Variants in CSNK1E observed in about 807,000 individuals in gnomAD.
CSNK1E encodes the protein casein kinase I isoform epsilon.
In CSNK1E, 17 loss-of-function variants were observed where a neutral mutation model predicts 46.1. That is an observed-to-expected ratio of 0.37 (90% CI 0.25 to 0.55). CSNK1E has a LOEUF of 0.55. CSNK1E is among the 20% of genes least tolerant of loss of function. CSNK1E has a pLI of 0.82. For missense variants in CSNK1E, 386 were observed against 595.4 expected (o/e 0.65, Z 3.66); for synonymous variants, 241 against 242.6 (o/e 0.99, Z 0.06).
chr22:38,313,952 G>T, intron 2 of CSNK1E, 130 bp downstream of exon 2: 1 of 811,926 alleles, frequency 1.2e-6, no homozygotes, highest in Non-Finnish European at 2.0e-6. Flanking sequence ...TCCCCATCTG[G>T]GATGGCCCTG....
At position 38,301,087 on chromosome 22, in the gene CSNK1E, G is replaced by A. The variant is rs564116949; in HGVS notation, c.337-135C>T. The A allele has an allele frequency of 2.5e-5, 18 of 713,412 alleles. No individual in the cohort carries two copies. The East Asian group carries it at 2.6e-4, about 10-fold the overall frequency. 44.2% of individuals were successfully genotyped at this position (713,412 alleles called of 1,614,324 possible). On this transcript the variant is annotated intron_variant, in intron 4 of 10. Coordinates refer to ENST00000396832, the MANE Select transcript of CSNK1E (RefSeq NM_152221.3). ...CTTCGACCATGAAGGATAACTAAGG[G>A]GCAGGCCAGAGAAGGCCTCCTGGAA...
At position 38,294,260 on chromosome 22, in the gene CSNK1E, G is replaced by A. The variant is rs556584749; in HGVS notation, c.1079-12C>T. On this transcript the variant is annotated splice_polypyrimidine_tract_variant and intron_variant, in intron 8 of 10. Transcript: ENST00000396832. This position sits in a 1 kb window ranked among gnomAD's most constrained non-coding sequence, Gnocchi z 5.5. ...GGGAGAAGTATTGCCTGGAGGGAGA[G>A]TGGGAAGCCACCCTCAGAGTAGGCA... The A allele has an allele frequency of 8.7e-6, 14 of 1,610,362 alleles. 1 individual carries two copies. The African/African-American group carries it at 1.6e-4, about 18-fold the overall frequency.
At chr22:38,312,948 T>C (rs944941790) in intron 2 of CSNK1E, among the ~76,000 whole-genome samples, 1 of 152,172 alleles carries the variant, frequency 6.6e-6, no homozygotes, top group Admixed American at 6.6e-5. Context: ...AGAGCGGTCT[T>C]GGGAGGCCAA....
Position 38,305,104 on chromosome 22 carries a change from G to A in CSNK1E, c.77-1856C>T, listed in dbSNP as rs55853529. 1.7e-3 allele frequency among the ~76,000 whole-genome samples: 222 copies of A among 130,872 alleles called. 4 individuals carry two copies. Among genetic ancestry groups the A allele is most frequent in the African/African-American group, 6.3e-3 (217 of 34,264 alleles). The allele number at this position is 130,872 out of a possible 152,430, so 85.9% of individuals were successfully genotyped here. A position where few individuals can be genotyped will look rare whatever the true frequency, so the allele number is the denominator to read the frequency against. On this transcript the variant is annotated intron_variant, in intron 2 of 10. Transcript: ENST00000396832. Reference sequence around the variant, plus strand: ...GCCATTGCACGCTAGCCTGGGTGACGGAGTGAAACTCCAGCTCAAAAAAAA... The same window carrying A: ...GCCATTGCACGCTAGCCTGGGTGACAGAGTGAAACTCCAGCTCAAAAAAAA...
intron 2 of CSNK1E, among the ~76,000 whole-genome samples, chr22:38,307,699 TTTTC>T (rs1670435313): frequency 6.6e-6 from 1 of 152,186 alleles, no homozygotes; most frequent in Non-Finnish European, 1.5e-5. Context: ...GAGGGCTGTA[TTTTC>T]TTTTTCTTTT....
intron 2 of CSNK1E, among the ~76,000 whole-genome samples, chr22:38,305,094 C>T (rs904069175): frequency 4.7e-5 from 6 of 128,074 alleles, no homozygotes; most frequent in African/African-American, 1.8e-4. Flanking sequence ...TGCACGCTAG[C>T]CTGGGTGACG....
rs887376240 is a variant in CSNK1E at position 38,298,116 on chromosome 22, G to A, written c.885+670C>T. On this transcript the variant is annotated intron_variant, in intron 7 of 10. Coordinates refer to ENST00000396832, the MANE Select transcript of CSNK1E (RefSeq NM_152221.3). The surrounding 1 kb of genome is among the most constrained non-coding windows in gnomAD (Gnocchi z 4.2). ...TACCAGTACGTGGGTGAGTACGTGG[G>A]CCCAGCACAGGGACAGGGGCGGGGA... 1.6e-6 allele frequency: 2 copies of A among 1,279,666 alleles called. No homozygotes were observed. The highest frequency in any genetic ancestry group is 1.5e-5 in the African/African-American group (1 of 65,222). 79.3% of individuals were successfully genotyped at this position (1,279,666 alleles called of 1,614,324 possible).
At chr22:38,305,955 C>T (rs556061213) in intron 2 of CSNK1E, among the ~76,000 whole-genome samples, 2 of 152,268 alleles carry the variant, frequency 1.3e-5, no homozygotes, top group African/African-American at 2.4e-5. Flanking sequence ...ACAAGGCTGT[C>T]GGCTGCAGGC....
Position 38,300,854 on chromosome 22 carries a change from G to C in CSNK1E, c.435C>G (p.Val145=), listed in dbSNP as rs768960580. The C allele has an allele frequency of 1.2e-6, 2 of 1,614,138 alleles. No individual in the cohort carries two copies. The highest frequency in any genetic ancestry group is 1.7e-5 in the Admixed American group (1 of 60,014). Reference sequence around the variant, plus strand: ...TGGCCAGGCCGAAGTCGATGATGTAGACCAGGTTGCCCTTCTTCCCCAGCC... The same window carrying C: ...TGGCCAGGCCGAAGTCGATGATGTACACCAGGTTGCCCTTCTTCCCCAGCC... ...LMGLGKKGNL[V]YIIDFGLAKK... Residue 145 remains valine, a synonymous_variant, in exon 5 of 11, where the codon GTC becomes GTG. Coordinates refer to ENST00000396832, the MANE Select transcript of CSNK1E (RefSeq NM_152221.3). The surrounding 1 kb of genome is among the most constrained non-coding windows in gnomAD (Gnocchi z 4.4).
chr22:38,300,965 G>T lies in CSNK1E; in HGVS notation c.337-13C>A. 1 of 1,611,784 alleles carries T rather than the reference G, an allele frequency of 6.2e-7. No homozygotes were observed. Among genetic ancestry groups the T allele is most frequent in the Non-Finnish European group, 8.5e-7 (1 of 1,177,934 alleles). ...CGATGCGGCTGATCTGGGGAGGAGG[G>T]GGGCCATTTGTTCAACAGAGGGGCC... On this transcript the variant is annotated splice_polypyrimidine_tract_variant and intron_variant, in intron 4 of 10. Transcript: ENST00000396832. This position sits in a 1 kb window ranked among gnomAD's most constrained non-coding sequence, Gnocchi z 4.4.
chr22:38,314,201 G>A (rs753159576), intron 1 of CSNK1E, 32 bp from the exon 2 acceptor site: 23 of 1,581,286 alleles, frequency 1.5e-5, no homozygotes, highest in Admixed American at 1.7e-5. Flanking sequence ...GAGGGTCAGC[G>A]ACGTGGGGAG....
At chr22:38,316,984 T>A (rs1344505372) in intron 1 of CSNK1E, 176 bp downstream of exon 1, 4 of 151,804 alleles carry the variant, frequency 2.6e-5, no homozygotes, top group Non-Finnish European at 2.9e-5. Context: ...AGCCGCGCCT[T>A]TGTCCTCGCC....
intron 1 of CSNK1E, among the ~76,000 whole-genome samples, chr22:38,314,954 A>G (rs146368344): frequency 2.6e-5 from 4 of 152,288 alleles, no homozygotes; most frequent in African/African-American, 9.6e-5. Context: ...TGGTCAGCAG[A>G]GGAGGAAACT....
intron 6 of CSNK1E, among the ~76,000 whole-genome samples, chr22:38,299,668 TGG>T (rs957497371): frequency 1.3e-5 from 2 of 152,150 alleles, no homozygotes; most frequent in African/African-American, 4.8e-5. Flanking sequence ...GGATTACAGG[TGG>T]GGCTAATTTT....
rs2092732921 is a variant in CSNK1E at position 38,314,083 on chromosome 22, C to T, written c.75G>A (p.Leu25=). 2.5e-6 allele frequency: 4 copies of T among 1,613,850 alleles called. No homozygotes were observed. Among genetic ancestry groups the T allele is most frequent in the African/African-American group, 1.3e-5 (1 of 75,044 alleles). Residue 25 remains leucine, a splice_region_variant and synonymous_variant, in exon 2 of 11, where the codon CTG becomes CTA. Coordinates refer to ENST00000396832, the MANE Select transcript of CSNK1E (RefSeq NM_152221.3). ...IGSGSFGDIY[L]GANIASGEEV... Reference sequence around the variant, plus strand: ...CCAGCTGGAGCTAGGAACACTTACCCAGGTAGATATCTCCGAAGGACCCGC... The same window carrying T: ...CCAGCTGGAGCTAGGAACACTTACCTAGGTAGATATCTCCGAAGGACCCGC...
In CSNK1E at chr22:38,300,863, G is replaced by A; in HGVS notation, c.426C>T (p.Gly142=). Residue 142 remains glycine, a synonymous_variant, in exon 5 of 11, where the codon GGC becomes GGT. Transcript: ENST00000396832. This position sits in a 1 kb window ranked among gnomAD's most constrained non-coding sequence, Gnocchi z 4.4. ...CGAAGTCGATGATGTAGACCAGGTT[G>A]CCCTTCTTCCCCAGCCCCATGAGGA... ...DNFLMGLGKK[G]NLVYIIDFGL... 1 of 1,614,252 alleles carries A rather than the reference G, an allele frequency of 6.2e-7. No homozygotes were observed.
rs1289614546 is a variant in CSNK1E, at chr22:38,291,669, AGGAGGCC to A, written c.*295_*301del. 6.6e-6 allele frequency: 1 copy of A among 152,224 alleles called. No homozygotes were observed. Among genetic ancestry groups the A allele is most frequent in the Non-Finnish European group, 1.5e-5 (1 of 68,086 alleles). The allele number at this position is 152,224 out of a possible 1,614,324, so 9.4% of individuals were successfully genotyped here. A position where few individuals can be genotyped will look rare whatever the true frequency, so the allele number is the denominator to read the frequency against. On this transcript the variant is annotated 3_prime_UTR_variant, in exon 11 of 11. Coordinates refer to ENST00000396832, the MANE Select transcript of CSNK1E (RefSeq NM_152221.3). ...GCAGGTGGTGGGTGGGGGCAGGAACAGGAGGCCGGGCAGGCCCTGGCGTCTGGCTCCT... is the reference window on the plus strand; with the variant it reads ...GCAGGTGGTGGGTGGGGGCAGGAACAGGGCAGGCCCTGGCGTCTGGCTCCT...
chr22:38,310,882 T>C (rs2092717904), intron 2 of CSNK1E, among the ~76,000 whole-genome samples: 1 of 152,186 alleles, frequency 6.6e-6, no homozygotes, highest in Non-Finnish European at 1.5e-5. Flanking sequence ...GGGATAAGAA[T>C]GTGGCCAGAG....
intron 1 of CSNK1E, among the ~76,000 whole-genome samples, chr22:38,315,029 G>A (rs576240309): frequency 1.3e-5 from 2 of 152,322 alleles, no homozygotes; most frequent in African/African-American, 4.8e-5. Flanking sequence ...AGGGGGAGGG[G>A]TGTTTACAAG....
Sources: allele counts gnomAD v4.1 joint callset (sites outside exome capture counted in the v4.1 genomes callset), GRCh38; gene constraint gnomAD v4.1.1; non-coding constraint Gnocchi (gnomAD v3.1); transcripts MANE v1.5; gene names NCBI Gene and HGNC (gene_info 2026-07-23, HGNC 2026-07-21).